PTCHD4: variants seen among roughly 807,000 people sequenced by gnomAD.
PTCHD4 encodes the protein patched domain-containing protein 4.
In PTCHD4, 33 loss-of-function variants were observed where a neutral mutation model predicts 58.1. The observed-to-expected ratio is 0.57, with a 90% CI of 0.43 to 0.76. The LOEUF (loss-of-function observed/expected upper bound fraction) is 0.76, where lower values mean the gene tolerates loss of function less well. Ranked by LOEUF, PTCHD4 falls within the 30% of genes least tolerant of loss-of-function variation. The pLI is 0.00. For missense variants in PTCHD4, 1,058 were observed against 1,027.1 expected (o/e 1.03, Z -0.41); for synonymous variants, 478 against 409.6 (o/e 1.17, Z -2.02).
At chr6:47,899,559 A>G (rs1488200419) in intron 4 of PTCHD4, 6 of 981,940 alleles carry the variant, frequency 6.1e-6, no homozygotes, top group Admixed American at 6.1e-5. Context: ...TTATCCTAAT[A>G]AGGTTTGCAA....
intron 1 of PTCHD4, among the ~76,000 whole-genome samples, chr6:48,085,664 A>C (rs1253282502): frequency 6.6e-6 from 1 of 152,244 alleles, no homozygotes; most frequent in African/African-American, 2.4e-5. Context: ...TCATGATTTT[A>C]TACTACAACA....
intron 4 of PTCHD4, among the ~76,000 whole-genome samples, chr6:47,935,116 T>C (rs1765955275): frequency 6.6e-6 from 1 of 152,202 alleles, no homozygotes. Context: ...ATTTAGAAAT[T>C]GGATACTTTT....
At chr6:47,909,141 T>G (rs1764988873) in intron 4 of PTCHD4, among the ~76,000 whole-genome samples, 1 of 152,114 alleles carries the variant, frequency 6.6e-6, no homozygotes, top group Non-Finnish European at 1.5e-5. Context: ...AGGGTCAAAA[T>G]AAATCTAGAA....
At chr6:48,078,351 G>C (rs563211171) in intron 1 of PTCHD4, among the ~76,000 whole-genome samples, 6 of 152,180 alleles carry the variant, frequency 3.9e-5, no homozygotes, top group Non-Finnish European at 8.8e-5. Flanking sequence ...CATTGGTCTG[G>C]AAAAAGATGG....
At chr6:47,901,098 G>A (rs1000039318) in intron 4 of PTCHD4, 3 of 150,070 alleles carry the variant, frequency 2.0e-5, no homozygotes, top group Non-Finnish European at 4.4e-5. Context: ...AGCTTGCAGT[G>A]AGCCGAGATT....
rs116476802 is a variant in PTCHD4, at chr6:47,932,025, T to C, written c.899-52089A>G. 5.9e-3 allele frequency among the ~76,000 whole-genome samples: 898 copies of C among 151,272 alleles called. 7 individuals carry two copies. Among genetic ancestry groups the C allele is most frequent in the African/African-American group, 0.021 (840 of 40,812 alleles). ...AAACCTAAGAGTGGGCCTCAACTTG[T>C]ATGCACCATGGGGACTGCTCCTACA... On this transcript the variant is annotated intron_variant, in intron 4 of 4. Coordinates refer to ENST00000339488, the MANE Select transcript of PTCHD4 (RefSeq NM_001384253.1).
At position 47,861,067 on chromosome 6, in the gene PTCHD4, C is replaced by A. The variant is rs189696565; in HGVS notation, c.*17236G>T. ...TTTCAATCGCAGTCTAATTATTGAG[C>A]TCTCCCAATCCCTCCAGTGCTAAAT... On this transcript the variant is annotated 3_prime_UTR_variant, in exon 5 of 5. Coordinates refer to ENST00000339488, the MANE Select transcript of PTCHD4 (RefSeq NM_001384253.1). Among the ~76,000 whole-genome samples, 1 of 152,022 alleles carries A rather than the reference C, an allele frequency of 6.6e-6. No homozygotes were observed. The highest frequency in any genetic ancestry group is 2.4e-5 in the African/African-American group (1 of 41,522).
In PTCHD4 at chr6:47,861,071, C is replaced by T. The variant is rs934873033; in HGVS notation, c.*17232G>A. Reference sequence around the variant, plus strand: ...AATCGCAGTCTAATTATTGAGCTCTCCCAATCCCTCCAGTGCTAAATTTCA... The same window carrying T: ...AATCGCAGTCTAATTATTGAGCTCTTCCAATCCCTCCAGTGCTAAATTTCA... On this transcript the variant is annotated 3_prime_UTR_variant, in exon 5 of 5. Coordinates refer to ENST00000339488, the MANE Select transcript of PTCHD4 (RefSeq NM_001384253.1). 2.6e-5 allele frequency among the ~76,000 whole-genome samples: 4 copies of T among 151,864 alleles called. No homozygotes were observed. Among genetic ancestry groups the T allele is most frequent in the African/African-American group, 9.7e-5 (4 of 41,398 alleles).
chr6:47,878,618 G>A lies in PTCHD4; in HGVS notation c.2217C>T (p.His739=), dbSNP rs1052967868. The stretch of plus-strand genomic sequence containing the variant: ...AGCTTTTTATACATTGTGTTCGGGT[G>A]TGCTCAGTTGCTAATACAAATGTGA... ...LLFTFVLATE[H]TRTQCIKSSL... The change falls in exon 5 of 5, where the codon CAC becomes CAT. Residue 739 remains histidine (H), a synonymous_variant. Coordinates refer to ENST00000339488, the MANE Select transcript of PTCHD4 (RefSeq NM_001384253.1). 4 of 1,613,492 alleles carry A rather than the reference G, an allele frequency of 2.5e-6. No individual in the cohort carries two copies. The highest frequency in any genetic ancestry group is 1.3e-5 in the African/African-American group (1 of 74,886).
chr6:47,874,041 C>T lies in PTCHD4; in HGVS notation c.*4262G>A, dbSNP rs535255886. ...ATTGACTTCTCCAATCTCTAAGAGA[C>T]AATATCTAAATGTCAGTCTCATGGC... On this transcript the variant is annotated 3_prime_UTR_variant, in exon 5 of 5. Transcript: ENST00000339488. Among the ~76,000 whole-genome samples, 3 of 151,832 alleles carry T rather than the reference C, an allele frequency of 2.0e-5. No individual in the cohort carries two copies. Among genetic ancestry groups the T allele is most frequent in the African/African-American group, 7.2e-5 (3 of 41,478 alleles).
At chr6:48,059,325 T>A (rs1031227317) in intron 3 of PTCHD4, among the ~76,000 whole-genome samples, 1 of 152,048 alleles carries the variant, frequency 6.6e-6, no homozygotes, top group African/African-American at 2.4e-5. Flanking sequence ...TAAGGGCTAT[T>A]ATGAGGGAAG....
intron 4 of PTCHD4, among the ~76,000 whole-genome samples, chr6:47,960,580 T>C (rs1053686859): frequency 6.6e-6 from 1 of 151,924 alleles, no homozygotes; most frequent in Admixed American, 6.6e-5. Flanking sequence ...ATAAAGTAAG[T>C]TTCAATGTAA....
At chr6:47,890,862 C>T in intron 4 of PTCHD4, 1 of 980,762 alleles carries the variant, frequency 1.0e-6, no homozygotes, top group East Asian at 1.1e-4. Flanking sequence ...TAGCCACTAT[C>T]AGGAAGTTTT....
intron 3 of PTCHD4, among the ~76,000 whole-genome samples, chr6:48,026,392 T>C (rs1007452309): frequency 6.6e-6 from 1 of 152,144 alleles, no homozygotes; most frequent in Non-Finnish European, 1.5e-5. Context: ...GTTAACATGA[T>C]TTTGCAGCAG....
At chr6:47,961,454 G>A (rs984815807) in intron 4 of PTCHD4, among the ~76,000 whole-genome samples, 1 of 151,750 alleles carries the variant, frequency 6.6e-6, no homozygotes, top group Non-Finnish European at 1.5e-5. Flanking sequence ...ACCCATGCCT[G>A]GCTAATTTTT....
chr6:47,949,146 G>T (rs1324747843), intron 4 of PTCHD4, among the ~76,000 whole-genome samples: 1 of 152,204 alleles, frequency 6.6e-6, no homozygotes, highest in Non-Finnish European at 1.5e-5. Context: ...TGACGGGGAT[G>T]GATTGGCCTG....
At chr6:47,911,255 C>A (rs1765059575) in intron 4 of PTCHD4, among the ~76,000 whole-genome samples, 1 of 152,046 alleles carries the variant, frequency 6.6e-6, no homozygotes, top group Non-Finnish European at 1.5e-5. Context: ...GGCAGTGCAT[C>A]CTACAAATGG....
chr6:47,928,221 A>G (rs57541466), intron 4 of PTCHD4, among the ~76,000 whole-genome samples: 1,605 of 152,292 alleles, frequency 0.011, 11 homozygotes, highest in African/African-American at 0.022. Flanking sequence ...AAAAAAGCCT[A>G]TCTAAATAAT....
chr6:47,976,119 A>G (rs1767681503), intron 4 of PTCHD4, among the ~76,000 whole-genome samples: 3 of 152,162 alleles, frequency 2.0e-5, no homozygotes, highest in Non-Finnish European at 1.5e-5. Flanking sequence ...TTGTTGCTGG[A>G]GCCCCAAAAC....
Sources: allele counts gnomAD v4.1 joint callset (sites outside exome capture counted in the v4.1 genomes callset), GRCh38; gene constraint gnomAD v4.1.1; transcripts MANE v1.5; gene names NCBI Gene and HGNC (gene_info 2026-07-23, HGNC 2026-07-21).